The following SKAP1 variants were observed in gnomAD, a reference collection of about 807,000 sequenced individuals.
SKAP1 encodes src kinase-associated phosphoprotein 1.
In SKAP1, 44 loss-of-function variants were observed where a neutral mutation model predicts 58.5. That is an observed-to-expected ratio of 0.75 (90% CI 0.59 to 0.97). SKAP1 has a LOEUF of 0.97. Among genes scored for constraint, SKAP1 ranks in the 50% least tolerant of loss-of-function variants. The pLI, the probability that SKAP1 is intolerant of heterozygous loss-of-function variation, is 0.00. For missense variants in SKAP1, 390 were observed against 435.2 expected, an observed-to-expected ratio of 0.90 and a Z score of 0.92; for synonymous variants, 127 against 149.7, an observed-to-expected ratio of 0.85 and a Z score of 1.11.
At chr17:48,212,280 A>G (rs2064882811) in intron 4 of SKAP1, among the ~76,000 whole-genome samples, 1 of 152,184 alleles carries the variant, frequency 6.6e-6, no homozygotes, top group Non-Finnish European at 1.5e-5. Flanking sequence ...TCCAAGAATC[A>G]TAACAGAGGC....
At chr17:48,216,761 G>A (rs1378539365) in intron 4 of SKAP1, among the ~76,000 whole-genome samples, 2 of 151,922 alleles carry the variant, frequency 1.3e-5, no homozygotes, top group African/African-American at 2.4e-5. Context: ...CAAAGTGCTG[G>A]GATTACAGGT....
intron 4 of SKAP1, among the ~76,000 whole-genome samples, chr17:48,214,859 T>A (rs2064918449): frequency 6.6e-6 from 1 of 150,462 alleles, no homozygotes; most frequent in Non-Finnish European, 1.5e-5. Context: ...GAGGCGGAGG[T>A]TGCAGTGAGC....
chr17:48,176,447 CGGTGGTGGT>C (rs576272989), intron 9 of SKAP1, among the ~76,000 whole-genome samples: 2 of 152,028 alleles, frequency 1.3e-5, no homozygotes, highest in Non-Finnish European at 2.9e-5. Context: ...AAAATAACTT[CGGTGGTGGT>C]GGTGGTGGTG....
intron 1 of SKAP1, among the ~76,000 whole-genome samples, chr17:48,428,945 T>C (rs948335985): frequency 4.6e-5 from 7 of 152,176 alleles, no homozygotes; most frequent in Non-Finnish European, 1.5e-5. Flanking sequence ...AGCTTTTACA[T>C]AGAAGCAATC....
intron 4 of SKAP1, among the ~76,000 whole-genome samples, chr17:48,264,640 A>T (rs2065521248): frequency 6.6e-6 from 1 of 152,144 alleles, no homozygotes; most frequent in Non-Finnish European, 1.5e-5. Context: ...GGGAAAAGGG[A>T]GTAGAAAAGG....
intron 4 of SKAP1, among the ~76,000 whole-genome samples, chr17:48,304,052 A>C (rs1264690494): frequency 1.3e-5 from 2 of 152,210 alleles, no homozygotes; most frequent in African/African-American, 4.8e-5. Flanking sequence ...AAAATGAAAG[A>C]GTTTTAAATT....
At chr17:48,185,347 G>A (rs1025949108) in intron 6 of SKAP1, among the ~76,000 whole-genome samples, 7 of 152,104 alleles carry the variant, frequency 4.6e-5, no homozygotes, top group African/African-American at 1.7e-4. Context: ...GGTCAGGTGG[G>A]AATTTATGCC....
chr17:48,328,843 C>T (rs969894425), intron 4 of SKAP1, among the ~76,000 whole-genome samples: 14 of 152,120 alleles, frequency 9.2e-5, no homozygotes, highest in Admixed American at 3.3e-4. Context: ...TACTTTCCCT[C>T]GCCCACCAAA....
At chr17:48,170,798 C>A (rs906145793) in intron 9 of SKAP1, 139 bp from the exon 10 acceptor site, 7 of 719,148 alleles carry the variant, frequency 9.7e-6, no homozygotes, top group South Asian at 1.8e-5. Context: ...GCAAATTCCA[C>A]GTCTGGGGTT....
intron 1 of SKAP1, among the ~76,000 whole-genome samples, chr17:48,401,947 C>G (rs189268415): frequency 6.6e-6 from 1 of 152,028 alleles, no homozygotes; most frequent in Non-Finnish European, 1.5e-5. Context: ...AATAGCCCAA[C>G]TGAAAAATGA....
intron 4 of SKAP1, among the ~76,000 whole-genome samples, chr17:48,268,057 T>C (rs1009733271): frequency 1.1e-4 from 17 of 152,112 alleles, no homozygotes; most frequent in Admixed American, 1.1e-3. Context: ...CTTTACAAAA[T>C]GAATCTCATC....
chr17:48,215,183 C>T (rs1054901384), intron 4 of SKAP1, among the ~76,000 whole-genome samples: 2 of 152,096 alleles, frequency 1.3e-5, no homozygotes, highest in Non-Finnish European at 2.9e-5. Flanking sequence ...AAATAGTCAG[C>T]TATAGATCTA....
chr17:48,439,766 CAT>C, the SKAP1 span, among the ~76,000 whole-genome samples: 1 of 152,212 alleles, frequency 6.6e-6, no homozygotes, highest in African/African-American at 2.4e-5. Context: ...GCCACTATGA[CAT>C]GTGCTCATGA....
At chr17:48,248,193 G>C (rs1272528466) in intron 4 of SKAP1, among the ~76,000 whole-genome samples, 5 of 152,184 alleles carry the variant, frequency 3.3e-5, no homozygotes, top group African/African-American at 1.2e-4. Flanking sequence ...CGCAGGAACA[G>C]GTAGTCTTCT....
chr17:48,186,077 T>C (rs2064447202), intron 6 of SKAP1: 1 of 152,168 alleles, frequency 6.6e-6, no homozygotes, highest in Non-Finnish European at 1.5e-5. Context: ...TATCTAGATA[T>C]GCCAACCACT....
intron 4 of SKAP1, among the ~76,000 whole-genome samples, chr17:48,247,118 C>G (rs759451544): frequency 2.6e-5 from 4 of 152,170 alleles, no homozygotes; most frequent in Non-Finnish European, 1.5e-5. Flanking sequence ...ATACCTAATA[C>G]ATATACACAA....
intron 1 of SKAP1, among the ~76,000 whole-genome samples, chr17:48,397,700 T>C (rs760431742): frequency 2.0e-5 from 3 of 152,066 alleles, no homozygotes; most frequent in Non-Finnish European, 4.4e-5. Flanking sequence ...AGCAGATGCA[T>C]CATCAATGAA....
chr17:48,203,837 T>C (rs990222914), intron 4 of SKAP1: 1 of 152,202 alleles, frequency 6.6e-6, no homozygotes, highest in African/African-American at 2.4e-5. Context: ...ACAAAGCACA[T>C]AGGAGAGGCA....
chr17:48,187,967 A>G, intron 5 of SKAP1, 41 bp from the exon 6 acceptor site: 1 of 1,424,278 alleles, frequency 7.0e-7, no homozygotes. Flanking sequence ...TCAGGTAACT[A>G]CCATCATTGA....
Sources: gnomAD v4.1 joint callset for allele counts (sites outside exome capture counted in the v4.1 genomes callset) on GRCh38, gnomAD v4.1.1 for gene constraint, MANE v1.5 for transcripts, NCBI Gene and HGNC (gene_info 2026-07-23, HGNC 2026-07-21) for gene names.